Variants in CHAF1B observed in about 807,000 individuals in gnomAD.
CHAF1B encodes the protein chromatin assembly factor 1 subunit B.
CHAF1B carries 10 observed loss-of-function variants against 60.7 expected under a neutral mutation model. The ratio of observed to expected loss-of-function variants is 0.16; its 90% CI spans 0.10 to 0.28. The LOEUF is 0.28. Ranked by LOEUF, CHAF1B falls within the 10% of genes least tolerant of loss-of-function variation. The pLI is 1.00. For synonymous variants in CHAF1B, 261 were observed against 266.1 expected (o/e 0.98, Z 0.19); for missense variants, 558 against 708.4 (o/e 0.79, Z 2.41).
chr21:36,405,193 A>T (rs1263951043), intron 8 of CHAF1B, among the ~76,000 whole-genome samples: 1 of 152,214 alleles, frequency 6.6e-6, no homozygotes, highest in Non-Finnish European at 1.5e-5. Context: ...AATTACAAAG[A>T]TTGGAAAAGA....
rs563637098 is a variant in CHAF1B, at chr21:36,393,054, A to G, written c.377+1386A>G. On this transcript the variant is annotated intron_variant, in intron 4 of 13. Coordinates refer to ENST00000314103, the MANE Select transcript of CHAF1B (RefSeq NM_005441.3). ...GCGAAACCCCATCTCCACCAAAAAA[A>G]TACGAAAACCAGACAGGCGTGGCGG... Among the ~76,000 whole-genome samples, 7 of 152,310 alleles carry G rather than the reference A, an allele frequency of 4.6e-5. No homozygotes were observed. In the East Asian group the frequency reaches 1.4e-3, roughly 29 times the overall value.
At chr21:36,411,760 A>G (rs775657879) in intron 11 of CHAF1B, among the ~76,000 whole-genome samples, 156 bp downstream of exon 11, 17 of 151,662 alleles carry the variant, frequency 1.1e-4, no homozygotes, top group Non-Finnish European at 1.9e-4. Flanking sequence ...ACCAAGTATC[A>G]CTCTGTCACC....
In CHAF1B at chr21:36,413,041, C is replaced by CGAGG; in HGVS notation, c.1221_1224dup (p.Ser409ArgfsTer66). Reference sequence around the variant, plus strand: ...AAAGAAAACCAAGAGTCAGACACATCGAGGGTCTTCGCCAGGACCCAGACC... The same window carrying CGAGG: ...AAAGAAAACCAAGAGTCAGACACATCGAGGGAGGGTCTTCGCCAGGACCCAGACC... On this transcript the variant is annotated frameshift_variant, in exon 12 of 14. Transcript: ENST00000314103. LOFTEE classifies it high-confidence loss of function. 1 of 1,614,146 alleles carries CGAGG rather than the reference C, an allele frequency of 6.2e-7. No individual in the cohort carries two copies. The highest frequency in any genetic ancestry group is 2.2e-5 in the East Asian group (1 of 44,890).
chr21:36,402,401 C>G (rs904707894), intron 7 of CHAF1B, among the ~76,000 whole-genome samples: 4 of 152,206 alleles, frequency 2.6e-5, no homozygotes, highest in African/African-American at 9.6e-5. Flanking sequence ...CTGCCAGTCT[C>G]AGGCCCCAGA....
intron 11 of CHAF1B, 120 bp from the exon 12 acceptor site, chr21:36,412,764 G>A (rs939807441): frequency 5.6e-6 from 5 of 887,036 alleles, no homozygotes; most frequent in Non-Finnish European, 8.6e-6. Flanking sequence ...TTTTCCAGTT[G>A]TATCTTTTCC....
intron 4 of CHAF1B, among the ~76,000 whole-genome samples, chr21:36,392,512 G>GC (rs572544827): frequency 0.1 from 15,124 of 150,876 alleles, 910 homozygotes; most frequent in Non-Finnish European, 0.13. Flanking sequence ...GGGCAGAGGC[G>GC]CCCCCCACCT....
chr21:36,386,559 C>T (rs1326324643), intron 2 of CHAF1B, among the ~76,000 whole-genome samples: 1 of 152,166 alleles, frequency 6.6e-6, no homozygotes, highest in African/African-American at 2.4e-5. Context: ...GATCACTCCA[C>T]TGCACTCCAG....
chr21:36,403,455 T>TAAAAAAA (rs71326686), intron 8 of CHAF1B, among the ~76,000 whole-genome samples: 1 of 77,448 alleles, frequency 1.3e-5, no homozygotes, highest in Non-Finnish European at 2.6e-5. Context: ...ATATCTTATC[T>TAAAAAAA]AAAAAAAAAA....
At chr21:36,399,434 G>A in intron 6 of CHAF1B, 87 bp from the exon 7 acceptor site, 1 of 1,101,812 alleles carries the variant, frequency 9.1e-7, no homozygotes, top group Admixed American at 1.9e-5. Flanking sequence ...CTGTTGCGGT[G>A]GTAATAGGCT....
At chr21:36,413,825 C>T (rs1280118870) in intron 12 of CHAF1B, among the ~76,000 whole-genome samples, 2 of 152,196 alleles carry the variant, frequency 1.3e-5, no homozygotes, top group Non-Finnish European at 2.9e-5. Context: ...GATTCCATAG[C>T]AGGTGCTTTG....
intron 5 of CHAF1B, among the ~76,000 whole-genome samples, 190 bp from the exon 6 acceptor site, chr21:36,397,225 G>A (rs2086147562): frequency 6.6e-6 from 1 of 152,128 alleles, no homozygotes; most frequent in African/African-American, 2.4e-5. Context: ...CCCTGAGGGT[G>A]GGGACTGCAT....
In CHAF1B at chr21:36,409,482, A is replaced by G. The variant is rs752056849; in HGVS notation, c.919+17A>G. On this transcript the variant is annotated intron_variant, in intron 10 of 13. Coordinates refer to ENST00000314103, the MANE Select transcript of CHAF1B (RefSeq NM_005441.3). ...TGGAAACAGGTATCCTCAGAGCCTC[A>G]GGGGTGTGTTATGTTTTCTCTCCGA... is the stretch of plus-strand genomic sequence containing the variant. 8.8e-6 allele frequency: 14 copies of G among 1,592,456 alleles called. No homozygotes were observed. The highest frequency in any genetic ancestry group is 1.2e-5 in the Non-Finnish European group (14 of 1,160,946).
intron 8 of CHAF1B, among the ~76,000 whole-genome samples, chr21:36,404,127 T>G: frequency 6.6e-6 from 1 of 150,794 alleles, no homozygotes. Flanking sequence ...GAGACTGAGT[T>G]TTGCCCTGTT....
intron 7 of CHAF1B, among the ~76,000 whole-genome samples, chr21:36,401,316 A>G (rs1019480408): frequency 3.5e-5 from 5 of 143,836 alleles, no homozygotes; most frequent in African/African-American, 1.0e-4. Flanking sequence ...TATATATAAT[A>G]TATACTTTAA....
rs770376072 is a variant in CHAF1B at position 36,412,879 on chromosome 21, C to T, written c.1062-5C>T. The T allele has an allele frequency of 1.7e-5, 27 of 1,608,612 alleles. No individual in the cohort carries two copies. The highest frequency in any genetic ancestry group is 1.7e-4 in the South Asian group (15 of 90,046). ...CTGTAACTTTTCCCTGTTTTGGGGA[C>T]GAAGGTCCAGCGATGGTGCCTTCCT... is the stretch of plus-strand genomic sequence containing the variant. On this transcript the variant is annotated splice_region_variant and splice_polypyrimidine_tract_variant and intron_variant, in intron 11 of 13. Coordinates refer to ENST00000314103, the MANE Select transcript of CHAF1B (RefSeq NM_005441.3).
intron 4 of CHAF1B, 137 bp from the exon 5 acceptor site, chr21:36,394,410 G>C (rs546876263): frequency 8.8e-4 from 569 of 647,628 alleles, no homozygotes; most frequent in Non-Finnish European, 2.2e-4. Context: ...GGATTTTACT[G>C]TGTTAGCCAG....
At chr21:36,409,115 A>C (rs1326618249) in intron 9 of CHAF1B, among the ~76,000 whole-genome samples, 1 of 151,230 alleles carries the variant, frequency 6.6e-6, no homozygotes, top group Non-Finnish European at 1.5e-5. Flanking sequence ...TCGGCCTCCC[A>C]AAGTGCTGGG....
At chr21:36,404,368 G>A (rs1233540649) in intron 8 of CHAF1B, among the ~76,000 whole-genome samples, 3 of 149,268 alleles carry the variant, frequency 2.0e-5, no homozygotes, top group African/African-American at 7.4e-5. Flanking sequence ...GAAAGTGCTG[G>A]GATTACAGGC....
chr21:36,391,573 G>A lies in CHAF1B; in HGVS notation c.282G>A (p.Lys94=). 1 of 1,612,584 alleles carries A rather than the reference G, an allele frequency of 6.2e-7. No homozygotes were observed. The highest frequency in any genetic ancestry group is 1.1e-5 in the South Asian group (1 of 91,052). The change falls in exon 4 of 14, where the codon AAG becomes AAA. Residue 94 remains lysine, a synonymous_variant. Coordinates refer to ENST00000314103, the MANE Select transcript of CHAF1B (RefSeq NM_005441.3). The stretch of plus-strand genomic sequence containing the variant: ...CAGATGCTGTCATCCTATTGTGGAA[G>A]GTGAATGATAACAAGGAGCCGGAGC... ...GGDDAVILLW[K]VNDNKEPEQI...
Sources: allele counts gnomAD v4.1 joint callset (sites outside exome capture counted in the v4.1 genomes callset), GRCh38; gene constraint gnomAD v4.1.1; transcripts MANE v1.5; gene names NCBI Gene and HGNC (gene_info 2026-07-23, HGNC 2026-07-21).